Variants in CAMK1D observed in about 807,000 individuals in gnomAD.
CAMK1D encodes calcium/calmodulin-dependent protein kinase type 1D.
Under a neutral mutation model 47.7 loss-of-function variants are expected in CAMK1D, and 9 were observed. The ratio of observed to expected loss-of-function variants is 0.19; its 90% CI spans 0.11 to 0.33. The LOEUF (loss-of-function observed/expected upper bound fraction) is 0.33. Among genes scored for constraint, CAMK1D ranks in the 10% least tolerant of loss-of-function variants. The pLI, the probability that CAMK1D is intolerant of heterozygous loss-of-function variation, is 1.00. For synonymous variants in CAMK1D, 184 were observed against 184.9 expected, an observed-to-expected ratio of 0.99 and a Z score of 0.04; for missense variants, 291 against 488.7, an observed-to-expected ratio of 0.60 and a Z score of 3.81.
chr10:12,806,579 A>G lies in CAMK1D; in HGVS notation c.642-7616A>G, dbSNP rs1158581338. ...TTTTGCGTCCCTTTTGCAGCTCTGC[A>G]GCCCAGCAGGGCCTAACCGTGTTGA... On this transcript the variant is annotated intron_variant, in intron 6 of 10. Coordinates refer to ENST00000619168, the MANE Select transcript of CAMK1D (RefSeq NM_153498.4). 2.0e-5 allele frequency among the ~76,000 whole-genome samples: 3 copies of G among 152,192 alleles called. No individual in the cohort carries two copies. In the East Asian group the frequency reaches 5.8e-4, roughly 29 times the overall value.
At chr10:12,535,427 T>G (rs912112369) in intron 1 of CAMK1D, among the ~76,000 whole-genome samples, 1 of 152,186 alleles carries the variant, frequency 6.6e-6, no homozygotes, top group Non-Finnish European at 1.5e-5. Flanking sequence ...TCATTAGTGG[T>G]TAACTCTACC....
At chr10:12,567,011 C>T (rs1409605389) in intron 2 of CAMK1D, among the ~76,000 whole-genome samples, 4 of 152,156 alleles carry the variant, frequency 2.6e-5, no homozygotes, top group Non-Finnish European at 5.9e-5. Context: ...GGCCCGTCGC[C>T]GAGCCTGCAG....
chr10:12,547,682 T>TCTCTCACACACACACA (rs10643491), intron 1 of CAMK1D, among the ~76,000 whole-genome samples: 22,087 of 115,890 alleles, frequency 0.19, 2,579 homozygotes, highest in Non-Finnish European at 0.26. Flanking sequence ...TTTCTCTCTC[T>TCTCTCACACACACACA]CACACACACA....
intron 1 of CAMK1D, among the ~76,000 whole-genome samples, chr10:12,501,347 T>C (rs1398592222): frequency 2.0e-5 from 3 of 152,206 alleles, no homozygotes; most frequent in Non-Finnish European, 4.4e-5. Flanking sequence ...GAAGTTCTGA[T>C]GCTAGTTTAT....
intron 1 of CAMK1D, among the ~76,000 whole-genome samples, chr10:12,355,462 G>A (rs759742706): frequency 1.3e-5 from 2 of 150,588 alleles, no homozygotes; most frequent in East Asian, 1.9e-4. Flanking sequence ...TTGTGTGTGC[G>A]TGTGTGTGTG....
chr10:12,403,966 C>T (rs1260719782), intron 1 of CAMK1D, among the ~76,000 whole-genome samples: 2 of 137,226 alleles, frequency 1.5e-5, no homozygotes, highest in African/African-American at 5.4e-5. Flanking sequence ...CAATTGAAAA[C>T]TTTCCTGTTG....
chr10:12,802,329 C>T (rs568464750), intron 6 of CAMK1D, among the ~76,000 whole-genome samples: 128 of 152,236 alleles, frequency 8.4e-4, no homozygotes, highest in African/African-American at 2.9e-3. Context: ...GGGAGCATAG[C>T]GCTGAAAAAG....
intron 1 of CAMK1D, among the ~76,000 whole-genome samples, chr10:12,429,130 C>G (rs1019606598): frequency 2.0e-5 from 3 of 152,166 alleles, no homozygotes; most frequent in African/African-American, 7.2e-5. Context: ...CCCTCATCGC[C>G]CACCCCTGCC....
chr10:12,803,640 G>T (rs958898025), intron 6 of CAMK1D, among the ~76,000 whole-genome samples: 1 of 152,086 alleles, frequency 6.6e-6, no homozygotes, highest in Admixed American at 6.6e-5. Context: ...GGGTAACAGA[G>T]GGAGACTCCA....
At chr10:12,761,228 G>A (rs1423582651) in intron 4 of CAMK1D, 142 bp downstream of exon 4, 1 of 966,318 alleles carries the variant, frequency 1.0e-6, no homozygotes, top group Non-Finnish European at 1.5e-6. Context: ...TGTACTTTGA[G>A]TTGTCAGGGC....
At chr10:12,437,441 C>G (rs1404690234) in intron 1 of CAMK1D, among the ~76,000 whole-genome samples, 1 of 152,178 alleles carries the variant, frequency 6.6e-6, no homozygotes, top group Non-Finnish European at 1.5e-5. Flanking sequence ...GTGATCCACC[C>G]GCCTTGACCT....
chr10:12,813,799 C>T (rs978969375), intron 6 of CAMK1D, among the ~76,000 whole-genome samples: 7 of 151,956 alleles, frequency 4.6e-5, no homozygotes, highest in African/African-American at 9.7e-5. Flanking sequence ...CTCGCTCTGT[C>T]ACCCAGGCTA....
rs1836698113 is a variant in CAMK1D at position 12,554,523 on chromosome 10, C to T, written c.224+1167C>T. On this transcript the variant is annotated intron_variant, in intron 2 of 10. Transcript: ENST00000619168. ...AAGAAAGTCCTCTCTTGTATAATGG[C>T]ACACATAGAACCATTCATTTTTTCT... Among the ~76,000 whole-genome samples the T allele has an allele frequency of 1.4e-5, 2 of 138,812 alleles. 1 individual carries two copies. The highest frequency in any genetic ancestry group is 4.4e-4 in the South Asian group (2 of 4,538). The allele number at this position is 138,812 out of a possible 152,430, so 91.1% of individuals were successfully genotyped here. A position where few individuals can be genotyped will look rare whatever the true frequency, so the allele number is the denominator to read the frequency against.
chr10:12,767,894 C>T (rs1217094664), intron 4 of CAMK1D, among the ~76,000 whole-genome samples: 3 of 152,142 alleles, frequency 2.0e-5, no homozygotes, highest in South Asian at 2.1e-4. Flanking sequence ...TATTTTGAGA[C>T]GGAGTTTCAC....
chr10:12,782,125 C>T (rs1465553803), intron 5 of CAMK1D, among the ~76,000 whole-genome samples: 3 of 152,128 alleles, frequency 2.0e-5, no homozygotes, highest in Middle Eastern at 3.2e-3. Context: ...TTCTGCTCTT[C>T]TTCTGTGACT....
At chr10:12,660,598 T>C (rs1198551801) in intron 2 of CAMK1D, among the ~76,000 whole-genome samples, 1 of 152,222 alleles carries the variant, frequency 6.6e-6, no homozygotes, top group African/African-American at 2.4e-5. Flanking sequence ...CCCATTCAAG[T>C]TGACTCTCTC....
chr10:12,602,405 A>G (rs1164377275), intron 2 of CAMK1D, among the ~76,000 whole-genome samples: 1 of 152,172 alleles, frequency 6.6e-6, no homozygotes, highest in Non-Finnish European at 1.5e-5. Context: ...TAGGTGGTCT[A>G]CAGATAGCAG....
At chr10:12,406,704 C>A (rs1401456770) in intron 1 of CAMK1D, among the ~76,000 whole-genome samples, 2 of 62,072 alleles carry the variant, frequency 3.2e-5, no homozygotes, top group African/African-American at 1.3e-4. Context: ...GCCTGGGTGA[C>A]AAAATGAGAC....
At chr10:12,671,441 A>G (rs1296263669) in intron 3 of CAMK1D, among the ~76,000 whole-genome samples, 1 of 151,942 alleles carries the variant, frequency 6.6e-6, no homozygotes, top group East Asian at 1.9e-4. Context: ...GGGGATTCCA[A>G]CTTCTCTACA....
Sources: allele counts gnomAD v4.1 joint callset (sites outside exome capture counted in the v4.1 genomes callset), GRCh38; gene constraint gnomAD v4.1.1; transcripts MANE v1.5; gene names NCBI Gene and HGNC (gene_info 2026-07-23, HGNC 2026-07-21).